The following KLHDC10 variants were observed in gnomAD, a reference collection of about 807,000 sequenced individuals.
The protein encoded by KLHDC10 is kelch domain containing 10, also known as kelch domain-containing protein 10.
Under a neutral mutation model 56.1 loss-of-function variants are expected in KLHDC10, and 24 were observed. The observed-to-expected ratio is 0.43, with a 90% CI of 0.31 to 0.60. The LOEUF (loss-of-function observed/expected upper bound fraction) is 0.60, where lower values mean the gene tolerates loss of function less well. Ranked by LOEUF, KLHDC10 falls within the 20% of genes least tolerant of loss-of-function variation. The pLI is 0.11. For synonymous variants in KLHDC10, 188 were observed against 207.1 expected, an observed-to-expected ratio of 0.91 and a Z score of 0.79; for missense variants, 349 against 567.0, an observed-to-expected ratio of 0.62 and a Z score of 3.91.
At chr7:130,088,733 C>G (rs1218142920) in intron 1 of KLHDC10, among the ~76,000 whole-genome samples, 1 of 150,966 alleles carries the variant, frequency 6.6e-6, no homozygotes, top group Non-Finnish European at 1.5e-5. Context: ...ACCTCTGCCT[C>G]CCAGGTTCAG....
chr7:130,108,148 G>A (rs1234424307), intron 2 of KLHDC10, among the ~76,000 whole-genome samples: 4 of 150,928 alleles, frequency 2.7e-5, no homozygotes, highest in Non-Finnish European at 2.9e-5. Flanking sequence ...AGAATCGCCT[G>A]AACCCGGAGG....
chr7:130,124,954 T>C (rs537274708), intron 6 of KLHDC10, among the ~76,000 whole-genome samples: 1 of 152,330 alleles, frequency 6.6e-6, no homozygotes, highest in East Asian at 1.9e-4. Context: ...TCTAAAGGGC[T>C]GTTATTCATC....
At chr7:130,092,369 T>C (rs1795786885) in intron 1 of KLHDC10, among the ~76,000 whole-genome samples, 1 of 152,258 alleles carries the variant, frequency 6.6e-6, no homozygotes, top group Middle Eastern at 3.2e-3. Flanking sequence ...CTTTTTAATA[T>C]ACTTTTCTAT....
intron 2 of KLHDC10, among the ~76,000 whole-genome samples, chr7:130,100,640 A>G (rs926294447): frequency 2.0e-5 from 3 of 152,182 alleles, no homozygotes; most frequent in Non-Finnish European, 2.9e-5. Context: ...TAATGCTTCA[A>G]TAGGTTGTGT....
chr7:130,127,601 C>T, intron 8 of KLHDC10, 150 bp downstream of exon 8: 1 of 624,180 alleles, frequency 1.6e-6, no homozygotes, highest in Non-Finnish European at 2.8e-6. Flanking sequence ...ATAGTTATGC[C>T]TCTGTCAGCT....
At chr7:130,095,365 A>G (rs1795834283) in intron 1 of KLHDC10, among the ~76,000 whole-genome samples, 1 of 152,130 alleles carries the variant, frequency 6.6e-6, no homozygotes, top group Non-Finnish European at 1.5e-5. Context: ...TAACAACAAA[A>G]AGGTTCTAAT....
Position 130,070,612 on chromosome 7 carries a change from C to G in KLHDC10, c.-32C>G. On this transcript the variant is annotated 5_prime_UTR_variant, in exon 1 of 10. Coordinates refer to ENST00000335420, the MANE Select transcript of KLHDC10 (RefSeq NM_014997.4). The stretch of plus-strand genomic sequence containing the variant: ...CTGGTTCCGCTGGGTCAGGCGCTGA[C>G]GGGACCGGGCTGCGGCAATCGTTAG... The G allele has an allele frequency of 2.3e-6, 3 of 1,302,206 alleles. No homozygotes were observed. Among genetic ancestry groups the G allele is most frequent in the Middle Eastern group, 6.1e-4 (2 of 3,288 alleles). The allele number at this position is 1,302,206 out of a possible 1,614,324, so 80.7% of individuals were successfully genotyped here. A position where few individuals can be genotyped will look rare whatever the true frequency, so the allele number is the denominator to read the frequency against.
intron 2 of KLHDC10, among the ~76,000 whole-genome samples, chr7:130,108,686 C>T (rs1192676615): frequency 2.1e-5 from 3 of 144,156 alleles, no homozygotes; most frequent in Non-Finnish European, 3.0e-5. Context: ...TGAGTCATTG[C>T]ACTCCAGCCT....
At position 130,130,498 on chromosome 7, in the gene KLHDC10, C is replaced by T. The variant is rs773455570; in HGVS notation, c.1120-39C>T. On this transcript the variant is annotated intron_variant, in intron 9 of 9. Transcript: ENST00000335420. This position sits in a 1 kb window ranked among gnomAD's most constrained non-coding sequence, Gnocchi z 4.2. Reference sequence around the variant, plus strand: ...ACTGAGTCTTCAGCCTTGTATGTTTCTCTCCCGTTTGAATTTGTCCTCTTT... The same window carrying T: ...ACTGAGTCTTCAGCCTTGTATGTTTTTCTCCCGTTTGAATTTGTCCTCTTT... 2.2e-5 allele frequency: 33 copies of T among 1,533,034 alleles called. No homozygotes were observed. In the Middle Eastern group the frequency reaches 6.8e-4, roughly 32 times the overall value. The allele number at this position is 1,533,034 out of a possible 1,614,324, so 95.0% of individuals were successfully genotyped here.
intron 2 of KLHDC10, among the ~76,000 whole-genome samples, chr7:130,104,271 CTT>C (rs1795979085): frequency 6.6e-6 from 1 of 152,106 alleles, no homozygotes; most frequent in Non-Finnish European, 1.5e-5. Flanking sequence ...TATAAATAGA[CTT>C]GTGCAGTTCA....
chr7:130,111,119 G>C (rs1796094737), intron 2 of KLHDC10, among the ~76,000 whole-genome samples: 1 of 152,116 alleles, frequency 6.6e-6, no homozygotes, highest in African/African-American at 2.4e-5. Flanking sequence ...TTCTTTAAGT[G>C]GTTTGGGGAC....
chr7:130,079,164 T>G (rs980904440), intron 1 of KLHDC10, among the ~76,000 whole-genome samples: 3 of 151,860 alleles, frequency 2.0e-5, no homozygotes, highest in Non-Finnish European at 4.4e-5. Context: ...TTCAAGTGAT[T>G]CTCCTGGCTC....
rs539705724 is a variant in KLHDC10, at chr7:130,098,024, T to G, written c.253+1017T>G. ...AGTGTATCTAATTTTAACTGGAGTT[T>G]TTTTTTTTTTAACCTAGGAAAAAAT... On this transcript the variant is annotated intron_variant, in intron 2 of 9. Transcript: ENST00000335420. Among the ~76,000 whole-genome samples, 4 of 151,952 alleles carry G rather than the reference T, an allele frequency of 2.6e-5. No individual in the cohort carries two copies. The South Asian group carries it at 6.2e-4, about 24-fold the overall frequency.
intron 1 of KLHDC10, among the ~76,000 whole-genome samples, chr7:130,073,293 C>CTTTTT (rs768140763): frequency 8.1e-6 from 1 of 122,956 alleles, no homozygotes; most frequent in African/African-American, 3.0e-5. Context: ...TCCTATTTGT[C>CTTTTT]TTTTTTTTTT....
Position 130,129,492 on chromosome 7 carries a change from G to C in KLHDC10, c.1035G>C (p.Lys345Asn). ...AGGTGATCCTGGGAGATATCTGGAAGTTGAATCTGCAGACTTTCCAATGGG... is the reference window on the plus strand; with the variant it reads ...AGGTGATCCTGGGAGATATCTGGAACTTGAATCTGCAGACTTTCCAATGGG... ...NGEVILGDIW[K>N]LNLQTFQWVK... Residue 345 changes from lysine (K) to asparagine (N), a missense_variant, in exon 9 of 10, where the codon AAG becomes AAC. Lys to Asn is a moderately conservative substitution (Grantham distance 94). This residue lies in a region of KLHDC10 where 245 missense variants were observed against 470.1 expected (regional missense o/e 0.52). Transcript: ENST00000335420. The C allele has an allele frequency of 1.9e-6, 3 of 1,614,156 alleles. No individual in the cohort carries two copies. The highest frequency in any genetic ancestry group is 2.5e-6 in the Non-Finnish European group (3 of 1,179,996).
In KLHDC10 at chr7:130,132,945, G is replaced by A. The variant is rs903883392; in HGVS notation, c.*2199G>A. On this transcript the variant is annotated 3_prime_UTR_variant, in exon 10 of 10. Transcript: ENST00000335420. ...AGCCCTGCTACACCAGAGAGCTGAA[G>A]AGAGATGTGGTCTGGTTCCATCCAT... 2 of 152,260 alleles carry A rather than the reference G, an allele frequency of 1.3e-5. No homozygotes were observed. Among genetic ancestry groups the A allele is most frequent in the Admixed American group, 6.5e-5 (1 of 15,286 alleles). 9.4% of individuals were successfully genotyped at this position (152,260 alleles called of 1,614,324 possible).
At position 130,070,545 on chromosome 7, in the gene KLHDC10, C is replaced by G; in HGVS notation, c.-99C>G. The G allele has an allele frequency of 8.6e-7, 1 of 1,166,006 alleles. No individual in the cohort carries two copies. The highest frequency in any genetic ancestry group is 1.1e-6 in the Non-Finnish European group (1 of 920,846). 72.2% of individuals were successfully genotyped at this position (1,166,006 alleles called of 1,614,324 possible). ...TGGGACCGGGCGCTGCCCCCTTCCC[C>G]TGTCTCCTGGGTCTCTGGAGGAGCC... On this transcript the variant is annotated 5_prime_UTR_variant, in exon 1 of 10. Coordinates refer to ENST00000335420, the MANE Select transcript of KLHDC10 (RefSeq NM_014997.4).
intron 1 of KLHDC10, among the ~76,000 whole-genome samples, chr7:130,079,510 A>C (rs768063413): frequency 1.3e-5 from 2 of 152,068 alleles, no homozygotes; most frequent in Admixed American, 6.6e-5. Context: ...ATTTATTGTT[A>C]CTGAACCATT....
rs1796236533 is a variant in KLHDC10, at chr7:130,120,723, C to T, written c.476-26C>T. 9 of 1,611,494 alleles carry T rather than the reference C, an allele frequency of 5.6e-6. No homozygotes were observed. The Admixed American group carries it at 1.5e-4, about 27-fold the overall frequency. On this transcript the variant is annotated intron_variant, in intron 3 of 9. Transcript: ENST00000335420. The surrounding 1 kb of genome is among the most constrained non-coding windows in gnomAD (Gnocchi z 5.1). ...CAAATTGCAGGTAGCCATTTGTGAA[C>T]AGAACTTGTGCTTCTCCTTCCTCAG...
Sources: gnomAD v4.1 joint callset for allele counts (sites outside exome capture counted in the v4.1 genomes callset) on GRCh38, gnomAD v4.1.1 for gene constraint, gnomAD v4.1.1 regional missense constraint, Gnocchi (gnomAD v3.1) non-coding constraint, MANE v1.5 for transcripts, NCBI Gene and HGNC (gene_info 2026-07-23, HGNC 2026-07-21) for gene names.